TTLL9: variants seen among roughly 807,000 people sequenced by gnomAD.
TTLL9 encodes the protein tubulin tyrosine ligase like 9.
In TTLL9, 47 loss-of-function variants were observed where a neutral mutation model predicts 65.6. That is an observed-to-expected ratio of 0.72 (90% CI 0.57 to 0.91). The LOEUF is 0.91. TTLL9 is among the 40% of genes least tolerant of loss of function. The pLI, the probability that TTLL9 is intolerant of heterozygous loss-of-function variation, is 0.00. For missense variants in TTLL9, 537 were observed against 568.8 expected, an observed-to-expected ratio of 0.94 and a Z score of 0.57; for synonymous variants, 179 against 204.8, an observed-to-expected ratio of 0.87 and a Z score of 1.07.
chr20:31,879,367 A>G (rs1192176011), intron 2 of TTLL9, among the ~76,000 whole-genome samples: 1 of 152,170 alleles, frequency 6.6e-6, no homozygotes, highest in Non-Finnish European at 1.5e-5. Context: ...TGTAATCACT[A>G]AAAGGAAAAA....
intron 13 of TTLL9, among the ~76,000 whole-genome samples, chr20:31,938,646 G>A (rs1030454126): frequency 6.6e-6 from 1 of 152,214 alleles, no homozygotes; most frequent in African/African-American, 2.4e-5. Context: ...GGGAGGCCGA[G>A]GCGGGCAGAT....
At chr20:31,936,227 G>A (rs778999478) in intron 12 of TTLL9, among the ~76,000 whole-genome samples, 10 of 152,122 alleles carry the variant, frequency 6.6e-5, no homozygotes, top group East Asian at 1.9e-4. Flanking sequence ...CAGATACTTC[G>A]AATTTGGCCT....
chr20:31,905,909 T>A (rs949100439), intron 4 of TTLL9, among the ~76,000 whole-genome samples: 2 of 151,758 alleles, frequency 1.3e-5, no homozygotes, highest in African/African-American at 4.8e-5. Flanking sequence ...GGTGCACGCC[T>A]CTAATCTCAG....
At chr20:31,872,086 A>T (rs2062943074) in intron 2 of TTLL9, among the ~76,000 whole-genome samples, 1 of 152,232 alleles carries the variant, frequency 6.6e-6, no homozygotes, top group Non-Finnish European at 1.5e-5. Flanking sequence ...TAGTAGCTAC[A>T]TATTAGACAT....
At chr20:31,911,311 A>G (rs1568793535) in intron 6 of TTLL9, among the ~76,000 whole-genome samples, 1 of 152,208 alleles carries the variant, frequency 6.6e-6, no homozygotes. Flanking sequence ...GAATGGCATC[A>G]TCAAAGCCCT....
At chr20:31,873,788 GAAA>G (rs2062986922) in intron 2 of TTLL9, among the ~76,000 whole-genome samples, 1 of 113,282 alleles carries the variant, frequency 8.8e-6, no homozygotes, top group African/African-American at 3.4e-5. Flanking sequence ...GAAAGAAAAA[GAAA>G]GAAAGGAAGG....
chr20:31,882,166 G>A (rs1001701723), intron 2 of TTLL9, among the ~76,000 whole-genome samples: 5 of 152,134 alleles, frequency 3.3e-5, no homozygotes, highest in African/African-American at 4.8e-5. Context: ...TCAGAATACC[G>A]CGTGTTCCAA....
At chr20:31,938,657 C>T (rs573951541) in intron 13 of TTLL9, among the ~76,000 whole-genome samples, 1 of 152,282 alleles carries the variant, frequency 6.6e-6, no homozygotes, top group Middle Eastern at 3.4e-3. Context: ...GCGGGCAGAT[C>T]ACTTGAGGTC....
intron 7 of TTLL9, among the ~76,000 whole-genome samples, chr20:31,922,171 A>G (rs1472044066): frequency 6.6e-6 from 1 of 152,056 alleles, no homozygotes; most frequent in African/African-American, 2.4e-5. Flanking sequence ...AGGCTGAGGC[A>G]CAAGAGTTGC....
At chr20:31,894,892 C>T (rs1393585204) in intron 3 of TTLL9, among the ~76,000 whole-genome samples, 1 of 152,096 alleles carries the variant, frequency 6.6e-6, no homozygotes, top group Non-Finnish European at 1.5e-5. Context: ...ATCCAACCTC[C>T]TTCACTGCCG....
intron 14 of TTLL9, chr20:31,940,426 T>G (rs2064185095): frequency 6.6e-6 from 1 of 152,232 alleles, no homozygotes; most frequent in Non-Finnish European, 1.5e-5. Context: ...AAGCTTAATT[T>G]AATATGCATA....
At chr20:31,884,951 A>G (rs1243723201) in intron 2 of TTLL9, among the ~76,000 whole-genome samples, 1 of 152,242 alleles carries the variant, frequency 6.6e-6, no homozygotes, top group Non-Finnish European at 1.5e-5. Context: ...AAATTTAAAA[A>G]TACTGTATCC....
At position 31,943,694 on chromosome 20, in the gene TTLL9, G is replaced by A; in HGVS notation, c.*673G>A. On this transcript the variant is annotated 3_prime_UTR_variant, in exon 15 of 15. Coordinates refer to ENST00000535842, the MANE Select transcript of TTLL9 (RefSeq NM_001008409.5). ...CAGATGGACAAGACAGACCAGGGAG[G>A]CAGAGCTTAGTGAGGGTCTCTGCAA... 6.6e-6 allele frequency: 3 copies of A among 456,588 alleles called. No individual in the cohort carries two copies. The highest frequency in any genetic ancestry group is 4.7e-5 in the Admixed American group (2 of 42,574). The allele number at this position is 456,588 out of a possible 1,614,324, so 28.3% of individuals were successfully genotyped here. A position where few individuals can be genotyped will look rare whatever the true frequency, so the allele number is the denominator to read the frequency against.
rs1255743451 is a variant in TTLL9, at chr20:31,926,049, G to A, written c.706G>A (p.Val236Met). 1 of 1,613,960 alleles carries A rather than the reference G, an allele frequency of 6.2e-7. No homozygotes were observed. Among genetic ancestry groups the A allele is most frequent in the Non-Finnish European group, 8.5e-7 (1 of 1,179,938 alleles). The change falls in exon 10 of 15, where the codon GTG becomes ATG. Residue 236 changes from valine (V) to methionine (M), a missense_variant and splice_region_variant. Coordinates refer to ENST00000535842, the MANE Select transcript of TTLL9 (RefSeq NM_001008409.5). Reference sequence around the variant, plus strand: ...CCAAGTGAACTCCTTTGTCCCACAGGTGTTTGCTGAATGCCTGCTGTGGTC... The same window carrying A: ...CCAAGTGAACTCCTTTGTCCCACAGATGTTTGCTGAATGCCTGCTGTGGTC... Reference protein sequence around the residue: ...DLRVYVLVMSVFAECLLWSGH... With the variant: ...DLRVYVLVMSMFAECLLWSGH...
chr20:31,873,792 GA>G (rs2062987439), intron 2 of TTLL9, among the ~76,000 whole-genome samples: 1 of 106,276 alleles, frequency 9.4e-6, no homozygotes, highest in African/African-American at 3.6e-5. Flanking sequence ...GAAAAAGAAA[GA>G]AAGGAAGGAA....
At chr20:31,935,708 C>G (rs2064097467) in intron 12 of TTLL9, among the ~76,000 whole-genome samples, 1 of 152,240 alleles carries the variant, frequency 6.6e-6, no homozygotes, top group Non-Finnish European at 1.5e-5. Flanking sequence ...AGCTCTGGCC[C>G]ATGCTTGGAC....
At chr20:31,874,346 A>G (rs1258479999) in intron 2 of TTLL9, among the ~76,000 whole-genome samples, 1 of 151,538 alleles carries the variant, frequency 6.6e-6, no homozygotes, top group South Asian at 2.1e-4. Flanking sequence ...TGTGAATGTT[A>G]TATTACATGG....
intron 14 of TTLL9, among the ~76,000 whole-genome samples, chr20:31,942,539 T>A (rs772118492): frequency 6.6e-6 from 1 of 152,166 alleles, no homozygotes; most frequent in Non-Finnish European, 1.5e-5. Context: ...CGTGGGGTAG[T>A]GGTTAAGAGT....
chr20:31,901,595 T>G (rs1213776998), intron 4 of TTLL9, among the ~76,000 whole-genome samples: 4 of 152,228 alleles, frequency 2.6e-5, no homozygotes, highest in Admixed American at 6.5e-5. Context: ...TTCCCAACTC[T>G]TCAGTTTGGT....
Sources: gnomAD v4.1 joint callset for allele counts (sites outside exome capture counted in the v4.1 genomes callset) on GRCh38, gnomAD v4.1.1 for gene constraint, MANE v1.5 for transcripts, NCBI Gene and HGNC (gene_info 2026-07-23, HGNC 2026-07-21) for gene names.